The following BTC variants were observed in gnomAD, a reference collection of about 807,000 sequenced individuals.
BTC encodes betacellulin, also known as probetacellulin.
BTC carries 13 observed loss-of-function variants against 18.1 expected under a neutral mutation model. The observed-to-expected ratio is 0.72, with a 90% CI of 0.47 to 1.14. BTC has a LOEUF of 1.14. Ranked by LOEUF, BTC falls within the 50% of genes most tolerant of loss-of-function variation. The pLI, the probability that BTC is intolerant of heterozygous loss-of-function variation, is 0.00. For synonymous variants in BTC, 83 were observed against 79.4 expected, an observed-to-expected ratio of 1.05 and a Z score of -0.24; for missense variants, 247 against 224.2, an observed-to-expected ratio of 1.10 and a Z score of -0.65.
At chr4:74,788,710 G>T (rs373511413) in intron 1 of BTC, among the ~76,000 whole-genome samples, 1 of 152,064 alleles carries the variant, frequency 6.6e-6, no homozygotes, top group Admixed American at 6.5e-5. Context: ...GCCAAGCACC[G>T]TGCCATGAGC....
intron 1 of BTC, among the ~76,000 whole-genome samples, chr4:74,792,436 C>T (rs1332062635): frequency 6.6e-6 from 1 of 152,176 alleles, no homozygotes; most frequent in Non-Finnish European, 1.5e-5. Flanking sequence ...TAGCTCATGC[C>T]CAGATTATAC....
chr4:74,793,401 G>T (rs1725684890), intron 1 of BTC, among the ~76,000 whole-genome samples: 2 of 152,118 alleles, frequency 1.3e-5, no homozygotes, highest in South Asian at 4.1e-4. Flanking sequence ...AGGCTTGAAG[G>T]TAGGAGTGAT....
chr4:74,781,384 CGTGTGTGT>C (rs139134613), intron 1 of BTC, among the ~76,000 whole-genome samples: 12 of 126,474 alleles, frequency 9.5e-5, no homozygotes, highest in African/African-American at 3.8e-4. Context: ...TCTCTCGTCA[CGTGTGTGT>C]GTGTGTGTGT....
At chr4:74,749,963 G>A (rs1213369039) in intron 4 of BTC, among the ~76,000 whole-genome samples, 2 of 150,366 alleles carry the variant, frequency 1.3e-5, no homozygotes, top group Non-Finnish European at 3.0e-5. Flanking sequence ...TGGCTTGGTG[G>A]CACACACTTG....
At chr4:74,762,142 G>A (rs1553957396) in intron 2 of BTC, among the ~76,000 whole-genome samples, 1 of 152,132 alleles carries the variant, frequency 6.6e-6, no homozygotes. Context: ...TATTTTTCAA[G>A]AACCCACTGT....
At chr4:74,750,866 G>C (rs1278506420) in intron 3 of BTC, 147 bp from the exon 4 acceptor site, 2 of 1,114,244 alleles carry the variant, frequency 1.8e-6, no homozygotes, top group African/African-American at 3.2e-5. Flanking sequence ...CTACTTTGTT[G>C]ACCAGTAATT....
chr4:74,750,170 A>T (rs1168626315), intron 4 of BTC, among the ~76,000 whole-genome samples: 2 of 152,168 alleles, frequency 1.3e-5, no homozygotes, highest in East Asian at 3.8e-4. Context: ...ATGTTTCCTG[A>T]TTTTCAAAGT....
chr4:74,781,489 G>A (rs1725329891), intron 1 of BTC, among the ~76,000 whole-genome samples: 1 of 151,482 alleles, frequency 6.6e-6, no homozygotes, highest in Non-Finnish European at 1.5e-5. Context: ...GCTCACTCAA[G>A]CGTGGCCTCT....
At chr4:74,746,787 T>A in intron 5 of BTC, 112 bp from the exon 6 acceptor site, 1 of 95,292 alleles carries the variant, frequency 1.0e-5, no homozygotes, top group Non-Finnish European at 2.7e-5. Context: ...AATAATGTTG[T>A]TTTTGTAATA....
intron 1 of BTC, among the ~76,000 whole-genome samples, chr4:74,778,298 T>C (rs1418748895): frequency 1.3e-5 from 2 of 152,106 alleles, no homozygotes; most frequent in African/African-American, 4.8e-5. Flanking sequence ...AGGAGAGAAA[T>C]TATTTAACTC....
intron 1 of BTC, among the ~76,000 whole-genome samples, chr4:74,786,624 CAA>C (rs1253558111): frequency 2.0e-5 from 3 of 152,294 alleles, no homozygotes; most frequent in African/African-American, 7.2e-5. Context: ...TCTAATCACA[CAA>C]GAGAGAAAAT....
chr4:74,774,643 A>G (rs1725130415), intron 1 of BTC, among the ~76,000 whole-genome samples: 1 of 152,072 alleles, frequency 6.6e-6, no homozygotes, highest in Non-Finnish European at 1.5e-5. Flanking sequence ...ACTTGTTAAA[A>G]GACATGGCAT....
chr4:74,757,865 A>G (rs1409183422), intron 2 of BTC, among the ~76,000 whole-genome samples: 2 of 152,208 alleles, frequency 1.3e-5, no homozygotes, highest in Admixed American at 6.5e-5. Flanking sequence ...CATCTGTAAG[A>G]TAGACATGAT....
chr4:74,782,331 C>T (rs1341781471), intron 1 of BTC, among the ~76,000 whole-genome samples: 2 of 152,242 alleles, frequency 1.3e-5, no homozygotes, highest in Non-Finnish European at 2.9e-5. Flanking sequence ...ATTCAGCTCC[C>T]GCTTATAAGT....
intron 1 of BTC, among the ~76,000 whole-genome samples, chr4:74,778,476 T>G (rs1725234832): frequency 6.6e-6 from 1 of 152,104 alleles, no homozygotes; most frequent in African/African-American, 2.4e-5. Context: ...CAATAAAATG[T>G]GTGCACCTAT....
At chr4:74,747,444 G>A (rs970106452) in intron 5 of BTC, among the ~76,000 whole-genome samples, 3 of 152,142 alleles carry the variant, frequency 2.0e-5, no homozygotes, top group Admixed American at 6.5e-5. Flanking sequence ...CTGCCTAGGG[G>A]ACCCTCCTCC....
At chr4:74,782,399 C>G (rs1051699398) in intron 1 of BTC, among the ~76,000 whole-genome samples, 1 of 152,102 alleles carries the variant, frequency 6.6e-6, no homozygotes, top group Non-Finnish European at 1.5e-5. Flanking sequence ...ATAATGGCTT[C>G]CAACTTTTTC....
At chr4:74,759,478 A>G (rs1724692410) in intron 2 of BTC, among the ~76,000 whole-genome samples, 2 of 152,130 alleles carry the variant, frequency 1.3e-5, no homozygotes, top group African/African-American at 4.8e-5. Flanking sequence ...CTGCAACACA[A>G]TCTCATAAGT....
At chr4:74,772,146 GTAAA>G (rs1480250860) in intron 1 of BTC, among the ~76,000 whole-genome samples, 5 of 152,264 alleles carry the variant, frequency 3.3e-5, no homozygotes, top group Middle Eastern at 3.4e-3. Context: ...AGGTGAATAA[GTAAA>G]TAGAGAGTTG....
Sources: allele counts gnomAD v4.1 joint callset (sites outside exome capture counted in the v4.1 genomes callset), GRCh38; gene constraint gnomAD v4.1.1; transcripts MANE v1.5; gene names NCBI Gene and HGNC (gene_info 2026-07-23, HGNC 2026-07-21).